Variants in UBP1 observed in about 807,000 individuals in gnomAD.
UBP1 encodes the protein upstream-binding protein 1.
UBP1 carries 22 observed loss-of-function variants against 76.1 expected under a neutral mutation model. That is an observed-to-expected ratio of 0.29 (90% confidence interval 0.21 to 0.41). The LOEUF is 0.41. UBP1 is among the 10% of genes least tolerant of loss of function. The pLI is 1.00. For missense variants in UBP1, 436 were observed against 668.1 expected (o/e 0.65, Z 3.83); for synonymous variants, 224 against 237.1 (o/e 0.94, Z 0.51).
At chr3:33,411,298 C>T (rs79687163) in intron 5 of UBP1, among the ~76,000 whole-genome samples, 2,120 of 152,190 alleles carry the variant, frequency 0.014, 21 homozygotes, top group South Asian at 0.027. Flanking sequence ...AGCTTGTGTT[C>T]AAGAGAAATA....
intron 13 of UBP1, among the ~76,000 whole-genome samples, chr3:33,394,194 A>T (rs913661667): frequency 9.6e-5 from 6 of 62,522 alleles, no homozygotes; most frequent in South Asian, 5.3e-4. Context: ...GCTAATTTTT[A>T]TTATTATTAT....
intron 8 of UBP1, among the ~76,000 whole-genome samples, chr3:33,404,702 C>A (rs551486273): frequency 7.2e-5 from 11 of 152,076 alleles, no homozygotes; most frequent in Admixed American, 2.0e-4. Flanking sequence ...TTCTGTAAGT[C>A]AGGTGATTTT....
chr3:33,423,784 GA>G (rs761817512), intron 2 of UBP1, among the ~76,000 whole-genome samples: 1 of 152,182 alleles, frequency 6.6e-6, no homozygotes, highest in African/African-American at 2.4e-5. Flanking sequence ...GAGTTACTGT[GA>G]GAACTGAATA....
chr3:33,412,950 C>G (rs1226029408), intron 3 of UBP1, 123 bp from the exon 4 acceptor site: 1 of 609,276 alleles, frequency 1.6e-6, no homozygotes, highest in Non-Finnish European at 3.0e-6. Context: ...CTGTTTTAAA[C>G]ATTCTGTAAG....
At chr3:33,428,664 T>G (rs2045061437) in intron 1 of UBP1, among the ~76,000 whole-genome samples, 1 of 152,144 alleles carries the variant, frequency 6.6e-6, no homozygotes. Context: ...TTCCAATTAA[T>G]TTTTTACTTA....
intron 2 of UBP1, 60 bp from the exon 3 acceptor site, chr3:33,416,894 A>G (rs1310684714): frequency 8.2e-6 from 11 of 1,339,244 alleles, no homozygotes; most frequent in African/African-American, 5.8e-5. Context: ...TTTGCTTAAC[A>G]TAATTCAAAA....
At position 33,409,353 on chromosome 3, in the gene UBP1, A is replaced by AACAAAGTATACTATTTCATCT. The variant is rs748839716; in HGVS notation, c.709-28_709-8dup. ...TCCTGTCTGCACCTTTAGGCTTAAA[A>AACAAAGTATACTATTTCATCT]ACAAAGTATACTATTTCATCTATCA... On this transcript the variant is annotated splice_region_variant and splice_polypyrimidine_tract_variant and intron_variant, in intron 6 of 15. Coordinates refer to ENST00000283629, the MANE Select transcript of UBP1 (RefSeq NM_014517.5). 6.2e-7 allele frequency: 1 copy of AACAAAGTATACTATTTCATCT among 1,614,132 alleles called. No homozygotes were observed. The highest frequency in any genetic ancestry group is 8.5e-7 in the Non-Finnish European group (1 of 1,180,002).
At chr3:33,434,682 C>CTTTTT (rs10709462) in intron 1 of UBP1, among the ~76,000 whole-genome samples, 53 of 87,728 alleles carry the variant, frequency 6.0e-4, no homozygotes, top group Admixed American at 1.3e-3. Context: ...AATGGTTTTA[C>CTTTTT]TTTTTTTTTT....
chr3:33,391,652 T>G (rs2043769237), intron 15 of UBP1: 1 of 152,218 alleles, frequency 6.6e-6, no homozygotes, highest in Admixed American at 6.5e-5. Context: ...GAAAATAAGG[T>G]GTCAGAACTA....
At chr3:33,399,750 C>A (rs1004562408) in intron 11 of UBP1, among the ~76,000 whole-genome samples, 11 of 152,160 alleles carry the variant, frequency 7.2e-5, no homozygotes, top group African/African-American at 2.2e-4. Context: ...TTACAAATAT[C>A]TATACCATAA....
intron 15 of UBP1, chr3:33,390,613 T>C (rs1168854444): frequency 5.5e-6 from 3 of 549,480 alleles, no homozygotes; most frequent in Non-Finnish European, 9.8e-6. Flanking sequence ...TCCAACACTG[T>C]CTGCCAGTTC....
intron 5 of UBP1, among the ~76,000 whole-genome samples, chr3:33,411,379 TA>T (rs2044577939): frequency 6.6e-6 from 1 of 152,234 alleles, no homozygotes; most frequent in African/African-American, 2.4e-5. Flanking sequence ...AATAATGCTT[TA>T]CATATCATAG....
Position 33,402,840 on chromosome 3 carries a change from A to G in UBP1, c.992T>C (p.Phe331Ser), listed in dbSNP as rs772251402. The G allele has an allele frequency of 6.2e-7, 1 of 1,608,018 alleles. No homozygotes were observed. The highest frequency in any genetic ancestry group is 8.5e-7 in the Non-Finnish European group (1 of 1,177,952). Residue 331 changes from phenylalanine (F) to serine (S), a missense_variant, in exon 9 of 16, where the codon TTC (phenylalanine) becomes TCC (serine). Phe to Ser is a radical substitution (Grantham distance 155). Around this residue, in one of 3 missense-constraint regions of UBP1, gnomAD observed 210 missense variants for 272.8 expected, o/e 0.77. Coordinates refer to ENST00000283629, the MANE Select transcript of UBP1 (RefSeq NM_014517.5). ...GCAAGTGCTCTGCTGTGGGGAGGTG[A>G]AAGTGGGCGCTGGGGAAGGGCTGTT... The part of the protein sequence containing the change: ...VNNSPSPAPT[F>S]TSPQQSTCSV...
chr3:33,433,730 T>C (rs1039718845), intron 1 of UBP1, among the ~76,000 whole-genome samples: 2 of 151,800 alleles, frequency 1.3e-5, no homozygotes, highest in Non-Finnish European at 2.9e-5. Flanking sequence ...ACAAGCAAAG[T>C]AAATAATACA....
At chr3:33,407,685 C>G (rs17030626) in intron 8 of UBP1, among the ~76,000 whole-genome samples, 1,968 of 152,134 alleles carry the variant, frequency 0.013, 42 homozygotes, top group African/African-American at 0.045. Flanking sequence ...AAATGAGTTT[C>G]TTGTGATAGT....
At chr3:33,435,659 T>C (rs1207121316) in intron 1 of UBP1, among the ~76,000 whole-genome samples, 1 of 152,134 alleles carries the variant, frequency 6.6e-6, no homozygotes, top group East Asian at 1.9e-4. Context: ...TTCATGCACC[T>C]AACCTACTGA....
intron 3 of UBP1, among the ~76,000 whole-genome samples, chr3:33,414,970 G>A (rs995778041): frequency 6.5e-5 from 9 of 138,698 alleles, no homozygotes; most frequent in East Asian, 2.5e-4. Context: ...AGTTCATTAC[G>A]TCATAATGAG....
chr3:33,426,747 A>T (rs1467335988), intron 1 of UBP1, among the ~76,000 whole-genome samples: 1 of 152,180 alleles, frequency 6.6e-6, no homozygotes, highest in Non-Finnish European at 1.5e-5. Context: ...GTGTTCTAAC[A>T]TGTACCAATG....
intron 13 of UBP1, among the ~76,000 whole-genome samples, chr3:33,394,761 C>A (rs1205215411): frequency 6.7e-6 from 1 of 150,194 alleles, no homozygotes; most frequent in African/African-American, 2.4e-5. Flanking sequence ...TAGAAATGAT[C>A]TAGAGCAGGT....
Sources: gnomAD v4.1 joint callset for allele counts (sites outside exome capture counted in the v4.1 genomes callset) on GRCh38, gnomAD v4.1.1 for gene constraint, gnomAD v4.1.1 regional missense constraint, MANE v1.5 for transcripts, NCBI Gene and HGNC (gene_info 2026-07-23, HGNC 2026-07-21) for gene names.